Variants in CHST10 observed in about 807,000 individuals in gnomAD.
CHST10 encodes carbohydrate sulfotransferase 10, also known as HNK-1 sulfotransferase.
In CHST10, 24 loss-of-function variants were observed where a neutral mutation model predicts 34.7. The observed-to-expected ratio is 0.69, with a 90% CI of 0.50 to 0.97. The LOEUF (loss-of-function observed/expected upper bound fraction) is 0.97. CHST10 is among the 50% of genes least tolerant of loss of function. The pLI, the probability that CHST10 is intolerant of heterozygous loss-of-function variation, is 0.00. For synonymous variants in CHST10, 161 were observed against 169.3 expected, an observed-to-expected ratio of 0.95 and a Z score of 0.38; for missense variants, 402 against 452.1, an observed-to-expected ratio of 0.89 and a Z score of 1.00.
At chr2:100,401,992 G>C (rs566316647) in intron 4 of CHST10, among the ~76,000 whole-genome samples, 10 of 152,244 alleles carry the variant, frequency 6.6e-5, no homozygotes, top group African/African-American at 2.2e-4. Context: ...TCCCAGCTAG[G>C]GAATGATCAG....
intron 2 of CHST10, among the ~76,000 whole-genome samples, chr2:100,410,569 C>T (rs1329889296): frequency 6.6e-6 from 1 of 152,192 alleles, no homozygotes; most frequent in Non-Finnish European, 1.5e-5. Context: ...GCAGCCTGCC[C>T]AACCCTCTCC....
Position 100,397,947 on chromosome 2 carries a change from C to T in CHST10, c.388G>A (p.Gly130Ser), listed in dbSNP as rs760916749. The change falls in exon 5 of 7, where the codon GGC (glycine) becomes AGC (serine). Residue 130 changes from glycine to serine, a missense_variant. Coordinates refer to ENST00000264249, the MANE Select transcript of CHST10 (RefSeq NM_004854.5). ...KILFCQTPKV[G>S]NTQWKKVLIV... is the part of the protein sequence containing the mutation. ...AGCACTTTCTTCCACTGGGTGTTGC[C>T]CACTTTGGGAGTCTGGCAGAAAAGA... 3 of 1,614,006 alleles carry T rather than the reference C, an allele frequency of 1.9e-6. No homozygotes were observed. The highest frequency in any genetic ancestry group is 2.5e-6 in the Non-Finnish European group (3 of 1,179,966).
At chr2:100,395,686 C>A in intron 5 of CHST10, 72 bp from the exon 6 acceptor site, 1 of 1,187,086 alleles carries the variant, frequency 8.4e-7, no homozygotes, top group East Asian at 2.4e-5. Flanking sequence ...ATGTCCTTAC[C>A]TCATCTTTAC....
intron 4 of CHST10, among the ~76,000 whole-genome samples, chr2:100,398,583 A>C (rs1331136744): frequency 3.3e-5 from 5 of 152,136 alleles, no homozygotes; most frequent in Non-Finnish European, 7.3e-5. Flanking sequence ...GCACACCTGT[A>C]ATCCCAGCTA....
chr2:100,397,925 A>C lies in CHST10; in HGVS notation c.410T>G (p.Val137Gly). The part of the protein sequence containing the change: ...PKVGNTQWKK[V>G]LIVLNGAFSS... The stretch of plus-strand genomic sequence containing the variant: ...ACACACACCATTTAGAACAATCAGC[A>C]CTTTCTTCCACTGGGTGTTGCCCAC... Residue 137 changes from valine (V) to glycine (G), a missense_variant, in exon 5 of 7, where the codon GTG becomes GGG. Transcript: ENST00000264249. 1 of 1,613,104 alleles carries C rather than the reference A, an allele frequency of 6.2e-7. No homozygotes were observed. Among genetic ancestry groups the C allele is most frequent in the Non-Finnish European group, 8.5e-7 (1 of 1,179,428 alleles).
intron 5 of CHST10, among the ~76,000 whole-genome samples, chr2:100,396,752 G>A (rs1277039154): frequency 2.6e-5 from 4 of 152,070 alleles, no homozygotes; most frequent in Non-Finnish European, 4.4e-5. Flanking sequence ...AGGACCACCC[G>A]CTTCTGTATT....
In CHST10 at chr2:100,393,029, G is replaced by A. The variant is rs1289689234; in HGVS notation, c.*216C>T. The A allele has an allele frequency of 1.7e-6, 1 of 590,210 alleles. No individual in the cohort carries two copies. The highest frequency in any genetic ancestry group is 1.9e-5 in the African/African-American group (1 of 53,648). The allele number at this position is 590,210 out of a possible 1,614,324, so 36.6% of individuals were successfully genotyped here. On this transcript the variant is annotated 3_prime_UTR_variant, in exon 7 of 7. Transcript: ENST00000264249. ...GGCCAGCGACATCCTAATGCACGCA[G>A]GGGTGTGGGCAGGGTCCTCAGAGCA...
chr2:100,403,364 G>T (rs1029449389), intron 3 of CHST10, among the ~76,000 whole-genome samples: 1 of 152,186 alleles, frequency 6.6e-6, no homozygotes, highest in Non-Finnish European at 1.5e-5. Context: ...CGCTGAGGGG[G>T]ATTTATTTTC....
At chr2:100,399,575 A>T (rs1473379360) in intron 4 of CHST10, among the ~76,000 whole-genome samples, 2 of 152,208 alleles carry the variant, frequency 1.3e-5, no homozygotes, top group Non-Finnish European at 2.9e-5. Flanking sequence ...CTCCCAGGGG[A>T]CAACGTCAGT....
chr2:100,397,618 G>C lies in CHST10; in HGVS notation c.427+290C>G, dbSNP rs561517979. Among the ~76,000 whole-genome samples the C allele has an allele frequency of 3.9e-5, 6 of 152,312 alleles. No individual in the cohort carries two copies. The East Asian group carries it at 1.2e-3, about 29-fold the overall frequency. On this transcript the variant is annotated intron_variant, in intron 5 of 6. Coordinates refer to ENST00000264249, the MANE Select transcript of CHST10 (RefSeq NM_004854.5). The stretch of plus-strand genomic sequence containing the variant: ...ACAGGGAACCTGAAGAGACAAAGGA[G>C]GGGGGCCTGGGGGTGGGCGAGCCAC...
At chr2:100,394,516 T>C (rs1272298167) in intron 6 of CHST10, among the ~76,000 whole-genome samples, 1 of 152,086 alleles carries the variant, frequency 6.6e-6, no homozygotes, top group African/African-American at 2.4e-5. Context: ...CAGGAGCATC[T>C]CTGGTAAGGG....
At chr2:100,397,760 A>C in intron 5 of CHST10, 148 bp downstream of exon 5, 1 of 638,644 alleles carries the variant, frequency 1.6e-6, no homozygotes, top group South Asian at 2.0e-5. Flanking sequence ...ACTAACAGGA[A>C]ACAACAAAAA....
intron 3 of CHST10, among the ~76,000 whole-genome samples, chr2:100,405,669 ACAAAGTACGGTGCAGAGCACAG>A (rs1201171080): frequency 2.0e-5 from 3 of 152,302 alleles, no homozygotes; most frequent in South Asian, 4.1e-4. Flanking sequence ...CGGCAGGAGG[ACAAAGTACGGTGCAGAGCACAG>A]CAAAGTGCTG....
chr2:100,402,555 T>C lies in CHST10; in HGVS notation c.192+9A>G. ...AAGAGGACAAGGACCACGGCCTGGC[T>C]GTGCCCACCTTCAGTTCCTCAGGAA... On this transcript the variant is annotated intron_variant, in intron 4 of 6. Coordinates refer to ENST00000264249, the MANE Select transcript of CHST10 (RefSeq NM_004854.5). 4 of 1,612,726 alleles carry C rather than the reference T, an allele frequency of 2.5e-6. No homozygotes were observed. Among genetic ancestry groups the C allele is most frequent in the Non-Finnish European group, 3.4e-6 (4 of 1,179,214 alleles).
chr2:100,417,002 G>A (rs1676093655), intron 1 of CHST10: 1 of 1,304,146 alleles, frequency 7.7e-7, no homozygotes, highest in African/African-American at 1.5e-5. Context: ...AGCTGCACAT[G>A]CTCCTTCTTC....
At chr2:100,406,003 G>T (rs779349037) in intron 3 of CHST10, among the ~76,000 whole-genome samples, 1 of 152,216 alleles carries the variant, frequency 6.6e-6, no homozygotes, top group Non-Finnish European at 1.5e-5. Context: ...ACAAGAGCAC[G>T]AAGTAGAATC....
At chr2:100,401,319 A>G (rs1675330626) in intron 4 of CHST10, among the ~76,000 whole-genome samples, 1 of 152,160 alleles carries the variant, frequency 6.6e-6, no homozygotes, top group East Asian at 1.9e-4. Context: ...TCGGAAGACC[A>G]ATGAGATTGA....
intron 2 of CHST10, among the ~76,000 whole-genome samples, chr2:100,412,554 ACT>A (rs1241183315): frequency 6.6e-6 from 1 of 152,022 alleles, no homozygotes; most frequent in Non-Finnish European, 1.5e-5. Context: ...TCTGTTCGTG[ACT>A]CTAATGAGCA....
intron 2 of CHST10, 85 bp from the exon 3 acceptor site, chr2:100,406,792 C>A: frequency 6.6e-7 from 1 of 1,524,356 alleles, no homozygotes; most frequent in Non-Finnish European, 8.8e-7. Context: ...TGATTTCAGT[C>A]AGTAAGTATC....
Sources: gnomAD v4.1 joint callset for allele counts (sites outside exome capture counted in the v4.1 genomes callset) on GRCh38, gnomAD v4.1.1 for gene constraint, MANE v1.5 for transcripts, NCBI Gene and HGNC (gene_info 2026-07-23, HGNC 2026-07-21) for gene names.